Variants in KCNQ1OT1 observed in about 807,000 individuals in gnomAD.
KCNQ1OT1 encodes KCNQ1 opposite strand/antisense transcript 1, also known as KCNQ1 antisense RNA 2 (non-protein coding).
At chr11:2,638,201 G>A (rs1395202606) in exon 1 of KCNQ1OT1, 1 of 152,174 alleles carries the variant, frequency 6.6e-6, no homozygotes, top group Non-Finnish European at 1.5e-5. Flanking sequence ...ATTGTTATGT[G>A]TGAATTTGAT....
exon 1 of KCNQ1OT1, chr11:2,609,947 G>GT: frequency 5.0e-6 from 2 of 397,956 alleles, no homozygotes; most frequent in Non-Finnish European, 4.4e-6. Flanking sequence ...GATGGATCCT[G>GT]TTTTTCAAAT....
At position 2,624,092 on chromosome 11, in the gene KCNQ1OT1, T is replaced by G. The variant is rs559490373; in HGVS notation, n.75903A>C. The G allele has an allele frequency of 2.5e-6, 1 of 398,612 alleles. No homozygotes were observed. The highest frequency in any genetic ancestry group is 4.4e-6 in the Non-Finnish European group (1 of 226,076). 24.7% of individuals were successfully genotyped at this position (398,612 alleles called of 1,614,324 possible). ...TGGCAAGTATTTGGTATTGTCAGTGTTTTGAATTTTGGCCATTCTAATAAG... is the reference window on the plus strand; with the variant it reads ...TGGCAAGTATTTGGTATTGTCAGTGGTTTGAATTTTGGCCATTCTAATAAG... On this transcript the variant is annotated non_coding_transcript_exon_variant, in exon 1 of 1. Coordinates refer to ENST00000597346, the Ensembl canonical transcript of KCNQ1OT1. The surrounding 1 kb of genome is among the most constrained non-coding windows in gnomAD (Gnocchi z 4.9).
At chr11:2,638,354 T>C (rs1165670584) in exon 1 of KCNQ1OT1, 2 of 152,348 alleles carry the variant, frequency 1.3e-5, no homozygotes, top group East Asian at 1.9e-4. Flanking sequence ...TCAGGAGCTC[T>C]TGTAGGGCAG....
Position 2,620,211 on chromosome 11 carries a change from ATTT to A in KCNQ1OT1, n.79781_79783del. On this transcript the variant is annotated non_coding_transcript_exon_variant, in exon 1 of 1. Coordinates refer to ENST00000597346, the Ensembl canonical transcript of KCNQ1OT1. This position sits in a 1 kb window ranked among gnomAD's most constrained non-coding sequence, Gnocchi z 4.5. Reference sequence around the variant, plus strand: ...TAAGTTCATTCATGTATATATATATATTTTTTTTTTTTATTTTTTTTTTAGACG... The same window carrying A: ...TAAGTTCATTCATGTATATATATATATTTTTTTTTATTTTTTTTTTAGACG... 7.6e-6 allele frequency: 2 copies of A among 261,722 alleles called. No homozygotes were observed. Among genetic ancestry groups the A allele is most frequent in the Admixed American group, 6.1e-5 (1 of 16,396 alleles). The allele number at this position is 261,722 out of a possible 1,614,324, so 16.2% of individuals were successfully genotyped here.
At chr11:2,650,987 T>C (rs1590005836) in exon 1 of KCNQ1OT1, 1 of 398,652 alleles carries the variant, frequency 2.5e-6, no homozygotes, top group Non-Finnish European at 4.4e-6. Flanking sequence ...TTATCAACTC[T>C]CTGGATTTGC....
chr11:2,676,518 C>A lies in KCNQ1OT1; in HGVS notation n.23477G>T, dbSNP rs937489845. The A allele has an allele frequency of 5.0e-6, 2 of 398,424 alleles. No individual in the cohort carries two copies. Among genetic ancestry groups the A allele is most frequent in the African/African-American group, 4.1e-5 (2 of 48,574 alleles). 24.7% of individuals were successfully genotyped at this position (398,424 alleles called of 1,614,324 possible). A position where few individuals can be genotyped will look rare whatever the true frequency, so the allele number is the denominator to read the frequency against. Reference sequence around the variant, plus strand: ...ATTTCTGGTGAACACTTGGACTTGGCAAAAGGCATAGAGGTAGTGGTACAG... The same window carrying A: ...ATTTCTGGTGAACACTTGGACTTGGAAAAAGGCATAGAGGTAGTGGTACAG... On this transcript the variant is annotated non_coding_transcript_exon_variant, in exon 1 of 1. Coordinates refer to ENST00000597346, the Ensembl canonical transcript of KCNQ1OT1. This position sits in a 1 kb window ranked among gnomAD's most constrained non-coding sequence, Gnocchi z 4.2.
In KCNQ1OT1 at chr11:2,653,833, G is replaced by A. The variant is rs1198428140; in HGVS notation, n.46162C>T. ...GGCAAGGTCCACAGGGACCCCTTTG[G>A]GGATGGCCAGAGGGTACCTAAACAC... On this transcript the variant is annotated non_coding_transcript_exon_variant, in exon 1 of 1. Coordinates refer to ENST00000597346, the Ensembl canonical transcript of KCNQ1OT1. This position sits in a 1 kb window ranked among gnomAD's most constrained non-coding sequence, Gnocchi z 5.3. The A allele has an allele frequency of 2.5e-6, 1 of 398,524 alleles. No individual in the cohort carries two copies. The highest frequency in any genetic ancestry group is 3.6e-5 in the East Asian group (1 of 28,090). The allele number at this position is 398,524 out of a possible 1,614,324, so 24.7% of individuals were successfully genotyped here.
In KCNQ1OT1 at chr11:2,611,784, T is replaced by C; in HGVS notation, n.88211A>G. The C allele has an allele frequency of 2.5e-6, 1 of 398,512 alleles. No individual in the cohort carries two copies. Among genetic ancestry groups the C allele is most frequent in the Non-Finnish European group, 4.4e-6 (1 of 226,018 alleles). The allele number at this position is 398,512 out of a possible 1,614,324, so 24.7% of individuals were successfully genotyped here. On this transcript the variant is annotated non_coding_transcript_exon_variant, in exon 1 of 1. Coordinates refer to ENST00000597346, the Ensembl canonical transcript of KCNQ1OT1. The surrounding 1 kb of genome is among the most constrained non-coding windows in gnomAD (Gnocchi z 5.3). ...TCTATATGTCTCATATCACTTTTGT[T>C]CCTCTCTTCCTCCTTTACTGCCTTC...
chr11:2,679,024 C>T lies in KCNQ1OT1; in HGVS notation n.20971G>A, dbSNP rs960049938. 2.0e-5 allele frequency: 8 copies of T among 398,520 alleles called. No individual in the cohort carries two copies. The highest frequency in any genetic ancestry group is 3.1e-5 in the Non-Finnish European group (7 of 226,076). 24.7% of individuals were successfully genotyped at this position (398,520 alleles called of 1,614,324 possible). ...CCGCAATAAGAAACATAATCTAAAACTTGTAGCCCAGCCCCTCCTCCATAC... is the reference window on the plus strand; with the variant it reads ...CCGCAATAAGAAACATAATCTAAAATTTGTAGCCCAGCCCCTCCTCCATAC... On this transcript the variant is annotated non_coding_transcript_exon_variant, in exon 1 of 1. Transcript: ENST00000597346. The surrounding 1 kb of genome is among the most constrained non-coding windows in gnomAD (Gnocchi z 4.8).
exon 1 of KCNQ1OT1, chr11:2,697,335 G>A (rs976335717): frequency 3.8e-5 from 15 of 398,446 alleles, no homozygotes; most frequent in Non-Finnish European, 6.6e-5. Context: ...AACCCTATGA[G>A]CTACACTAAG....
rs1394908459 is a variant in KCNQ1OT1, at chr11:2,690,661, C to T, written n.9334G>A. The T allele has an allele frequency of 1.8e-5, 7 of 398,500 alleles. No individual in the cohort carries two copies. The highest frequency in any genetic ancestry group is 2.7e-5 in the Non-Finnish European group (6 of 226,092). 24.7% of individuals were successfully genotyped at this position (398,500 alleles called of 1,614,324 possible). On this transcript the variant is annotated non_coding_transcript_exon_variant, in exon 1 of 1. Coordinates refer to ENST00000597346, the Ensembl canonical transcript of KCNQ1OT1. The surrounding 1 kb of genome is among the most constrained non-coding windows in gnomAD (Gnocchi z 5.1). ...TGCGTATTTGTCAGTGTATGTGTGT[C>T]AGTGCACATAGGTATAGGGGCTGTC...
At chr11:2,619,318 A>T (rs1849124760) in exon 1 of KCNQ1OT1, 1 of 398,518 alleles carries the variant, frequency 2.5e-6, no homozygotes, top group South Asian at 1.3e-4. Flanking sequence ...GGCTTTTCAT[A>T]AATGGCATTC....
At position 2,674,793 on chromosome 11, in the gene KCNQ1OT1, T is replaced by G. The variant is rs1035058658; in HGVS notation, n.25202A>C. 7.9e-6 allele frequency: 3 copies of G among 380,168 alleles called. No homozygotes were observed. Among genetic ancestry groups the G allele is most frequent in the Non-Finnish European group, 9.0e-6 (2 of 221,636 alleles). 23.5% of individuals were successfully genotyped at this position (380,168 alleles called of 1,614,324 possible). ...CTTCCTGGAAACTCTCGCCAACTGC[T>G]GGCCTTTGGAAAGGCTTGTCACCCT... is the stretch of plus-strand genomic sequence containing the variant. On this transcript the variant is annotated non_coding_transcript_exon_variant, in exon 1 of 1. Transcript: ENST00000597346. This position sits in a 1 kb window ranked among gnomAD's most constrained non-coding sequence, Gnocchi z 5.9.
chr11:2,633,819 A>G (rs756686293), exon 1 of KCNQ1OT1: 54 of 398,514 alleles, frequency 1.4e-4, no homozygotes, highest in Non-Finnish European at 2.0e-4. Context: ...ACCAAAAGCC[A>G]TGTATATTCA....
chr11:2,609,485 G>A, exon 1 of KCNQ1OT1: 1 of 398,326 alleles, frequency 2.5e-6, no homozygotes, highest in East Asian at 3.6e-5. Context: ...TGAAAATACT[G>A]TATATTCAAT....
chr11:2,699,589 C>A (rs766396147), exon 1 of KCNQ1OT1: 1 of 227,252 alleles, frequency 4.4e-6, no homozygotes, highest in East Asian at 6.3e-5. Flanking sequence ...CCGGGGAGAA[C>A]AGAACCGCGG....
At position 2,671,854 on chromosome 11, in the gene KCNQ1OT1, A is replaced by C. The variant is rs975081883; in HGVS notation, n.28141T>G. 4 of 398,590 alleles carry C rather than the reference A, an allele frequency of 1.0e-5. No individual in the cohort carries two copies. The highest frequency in any genetic ancestry group is 8.2e-5 in the African/African-American group (4 of 48,636). The allele number at this position is 398,590 out of a possible 1,614,324, so 24.7% of individuals were successfully genotyped here. A position where few individuals can be genotyped will look rare whatever the true frequency, so the allele number is the denominator to read the frequency against. On this transcript the variant is annotated non_coding_transcript_exon_variant, in exon 1 of 1. Transcript: ENST00000597346. This position sits in a 1 kb window ranked among gnomAD's most constrained non-coding sequence, Gnocchi z 4.7. ...GTTATAGGTCTGAGCCTTCTGCCCC[A>C]GGGAGCCAAGCCCTGGAGAGGAGGT... is the stretch of plus-strand genomic sequence containing the variant.
rs1848929158 is a variant in KCNQ1OT1 at position 2,608,951 on chromosome 11, A to G, written n.91044T>C. The G allele has an allele frequency of 2.5e-6, 1 of 395,932 alleles. No individual in the cohort carries two copies. 24.5% of individuals were successfully genotyped at this position (395,932 alleles called of 1,614,324 possible). On this transcript the variant is annotated non_coding_transcript_exon_variant, in exon 1 of 1. Coordinates refer to ENST00000597346, the Ensembl canonical transcript of KCNQ1OT1. This position sits in a 1 kb window ranked among gnomAD's most constrained non-coding sequence, Gnocchi z 4.6. ...TTCTCCCTCTCCCTCTCTCTTACCA[A>G]TCTATCAAAGGTTTGTTAATTTCAA... is the stretch of plus-strand genomic sequence containing the variant.
At position 2,617,940 on chromosome 11, in the gene KCNQ1OT1, T is replaced by G; in HGVS notation, n.82055A>C. ...TTATAAATTTTGGATATTATCCTCT[T>G]ATAAGATATATGGTTGGCAAATATT... On this transcript the variant is annotated non_coding_transcript_exon_variant, in exon 1 of 1. Transcript: ENST00000597346. The surrounding 1 kb of genome is among the most constrained non-coding windows in gnomAD (Gnocchi z 4.6). 2.5e-6 allele frequency: 1 copy of G among 398,606 alleles called. No individual in the cohort carries two copies. The highest frequency in any genetic ancestry group is 2.1e-5 in the African/African-American group (1 of 48,752). The allele number at this position is 398,606 out of a possible 1,614,324, so 24.7% of individuals were successfully genotyped here.
Sources: allele counts gnomAD v4.1 joint callset, GRCh38; gene constraint gnomAD v4.1.1; non-coding constraint Gnocchi (gnomAD v3.1); transcripts MANE v1.5; gene names NCBI Gene and HGNC (gene_info 2026-07-23, HGNC 2026-07-21).